Variants in CDK14 observed in about 807,000 individuals in gnomAD.
The protein encoded by CDK14 is cyclin-dependent kinase 14.
Under a neutral mutation model 60.7 loss-of-function variants are expected in CDK14, and 34 were observed. The observed-to-expected ratio is 0.56, with a 90% CI of 0.43 to 0.75. CDK14 has a LOEUF of 0.75. Among genes scored for constraint, CDK14 ranks in the 30% least tolerant of loss-of-function variants. The probability of loss-of-function intolerance (pLI) is 0.00; values close to 1 mark genes in which losing one functional copy is unlikely to be tolerated. For missense variants in CDK14, 482 were observed against 564.1 expected, an observed-to-expected ratio of 0.85 and a Z score of 1.47; for synonymous variants, 197 against 203.7, an observed-to-expected ratio of 0.97 and a Z score of 0.28.
intron 2 of CDK14, among the ~76,000 whole-genome samples, chr7:90,703,638 CAA>C (rs1801835729): frequency 6.6e-6 from 1 of 152,026 alleles, no homozygotes; most frequent in Non-Finnish European, 1.5e-5. Context: ...GAGATGCAGA[CAA>C]ATTATTATCC....
chr7:90,739,893 T>A (rs1302272636), intron 3 of CDK14, among the ~76,000 whole-genome samples: 1 of 152,152 alleles, frequency 6.6e-6, no homozygotes, highest in Non-Finnish European at 1.5e-5. Flanking sequence ...GATGGTAAAG[T>A]GTGACATTCA....
chr7:91,090,508 G>T (rs1415783830), intron 12 of CDK14, among the ~76,000 whole-genome samples: 1 of 152,054 alleles, frequency 6.6e-6, no homozygotes, highest in Non-Finnish European at 1.5e-5. Flanking sequence ...ATAACCACAT[G>T]TGGCTAGAGA....
chr7:91,014,001 T>G (rs1441503576), intron 10 of CDK14, among the ~76,000 whole-genome samples: 1 of 152,034 alleles, frequency 6.6e-6, no homozygotes, highest in Non-Finnish European at 1.5e-5. Flanking sequence ...CATAAACTCT[T>G]CTGGTATTTA....
intron 14 of CDK14, among the ~76,000 whole-genome samples, chr7:91,122,779 C>T (rs1397749644): frequency 6.6e-6 from 1 of 152,180 alleles, no homozygotes; most frequent in Non-Finnish European, 1.5e-5. Flanking sequence ...TTCAAACCCT[C>T]CCAGAGAGTG....
At chr7:90,937,303 C>G (rs1157875749) in intron 8 of CDK14, among the ~76,000 whole-genome samples, 1 of 152,072 alleles carries the variant, frequency 6.6e-6, no homozygotes, top group Non-Finnish European at 1.5e-5. Flanking sequence ...TATTATCCAA[C>G]TATAAAAATG....
rs1449353565 is a variant in CDK14, at chr7:91,208,855, A to G, written c.*1719A>G. The G allele has an allele frequency of 6.6e-6, 1 of 152,640 alleles. No individual in the cohort carries two copies. The highest frequency in any genetic ancestry group is 1.5e-5 in the Non-Finnish European group (1 of 68,040). 9.5% of individuals were successfully genotyped at this position (152,640 alleles called of 1,614,324 possible). A position where few individuals can be genotyped will look rare whatever the true frequency, so the allele number is the denominator to read the frequency against. ...GTAAACTTTTAAGTGCTAAGCAAGG[A>G]ATTATTTACTGATTGGTTTTAAAGA... On this transcript the variant is annotated 3_prime_UTR_variant, in exon 15 of 15. Transcript: ENST00000380050.
At chr7:91,106,041 C>T (rs1799287417) in intron 12 of CDK14, among the ~76,000 whole-genome samples, 1 of 152,046 alleles carries the variant, frequency 6.6e-6, no homozygotes, top group South Asian at 2.1e-4. Flanking sequence ...TTAATGAGAT[C>T]GCATTGCATC....
At chr7:90,672,600 G>GCCTCAAACT (rs1370556227) in intron 2 of CDK14, among the ~76,000 whole-genome samples, 1 of 131,776 alleles carries the variant, frequency 7.6e-6, no homozygotes, top group African/African-American at 2.8e-5. Context: ...GCTCACTGCA[G>GCCTCAAACT]CCTCAAACTC....
chr7:90,726,812 G>A lies in CDK14; in HGVS notation c.369G>A (p.Ser123=), dbSNP rs55722725. Residue 123 remains serine, a splice_region_variant and synonymous_variant, in exon 3 of 15, where the codon TCG becomes TCA. Coordinates refer to ENST00000380050, the MANE Select transcript of CDK14 (RefSeq NM_001287135.2). ...TTAGGCGGCACTCCAGCCCCAGCTC[G>A]GTAAGTGCAGTCTTTTTGTTTATCA... ...PKVRRHSSPS[S]PTSPKFGKAD... 3.7e-6 allele frequency: 6 copies of A among 1,613,122 alleles called. No homozygotes were observed. The African/African-American group carries it at 6.7e-5, about 18-fold the overall frequency.
At chr7:91,034,923 TACACACACACACACATACACATACAC>T (rs1202284147) in intron 10 of CDK14, among the ~76,000 whole-genome samples, 1 of 136,154 alleles carries the variant, frequency 7.3e-6, no homozygotes, top group Non-Finnish European at 1.6e-5. Flanking sequence ...CACACCTGTG[TACACACACACACACATACACATACAC>T]ACACACACAC....
intron 8 of CDK14, among the ~76,000 whole-genome samples, chr7:90,952,945 T>C (rs1423344191): frequency 1.3e-5 from 2 of 152,186 alleles, no homozygotes; most frequent in African/African-American, 4.8e-5. Context: ...AAATATTTGT[T>C]AAAAATGTAG....
intron 10 of CDK14, among the ~76,000 whole-genome samples, chr7:91,005,845 G>A (rs1354868784): frequency 6.6e-6 from 1 of 152,362 alleles, no homozygotes; most frequent in African/African-American, 2.4e-5. Context: ...AGCTGGAGGA[G>A]ACCGTTCCTT....
At chr7:91,041,862 A>G (rs1797100564) in intron 10 of CDK14, among the ~76,000 whole-genome samples, 1 of 152,204 alleles carries the variant, frequency 6.6e-6, no homozygotes, top group Admixed American at 6.5e-5. Flanking sequence ...CCATTCATTC[A>G]TTCAGTCAGT....
chr7:90,861,723 C>T (rs1269647889), intron 5 of CDK14, among the ~76,000 whole-genome samples: 2 of 152,092 alleles, frequency 1.3e-5, no homozygotes, highest in Admixed American at 6.6e-5. Context: ...CTTCTTCTTT[C>T]GTCTCCCAGT....
At chr7:91,017,384 C>A (rs1796327498) in intron 10 of CDK14, among the ~76,000 whole-genome samples, 1 of 152,156 alleles carries the variant, frequency 6.6e-6, no homozygotes, top group South Asian at 2.1e-4. Context: ...TGGGCCTATG[C>A]TAACAGACTC....
intron 2 of CDK14, among the ~76,000 whole-genome samples, chr7:90,627,034 C>G (rs1184734074): frequency 6.6e-6 from 1 of 151,988 alleles, no homozygotes; most frequent in Non-Finnish European, 1.5e-5. Context: ...TTTTATTATA[C>G]TTGAAAAACC....
At chr7:91,173,241 A>G (rs115780801) in intron 14 of CDK14, among the ~76,000 whole-genome samples, 1,999 of 152,284 alleles carry the variant, frequency 0.013, 30 homozygotes, top group South Asian at 0.028. Context: ...GGATGCATCA[A>G]CTAAGTTGGG....
chr7:90,999,520 C>T (rs987327752), intron 10 of CDK14, among the ~76,000 whole-genome samples: 8 of 151,852 alleles, frequency 5.3e-5, no homozygotes, highest in African/African-American at 7.2e-5. Flanking sequence ...ACCTGGGAGG[C>T]GGAGGTTGCA....
At chr7:90,742,976 T>G (rs1432594231) in intron 3 of CDK14, among the ~76,000 whole-genome samples, 2 of 152,122 alleles carry the variant, frequency 1.3e-5, no homozygotes, top group Non-Finnish European at 2.9e-5. Flanking sequence ...GTCTAAACAT[T>G]AAACTCACTT....
Sources: allele counts gnomAD v4.1 joint callset (sites outside exome capture counted in the v4.1 genomes callset), GRCh38; gene constraint gnomAD v4.1.1; transcripts MANE v1.5; gene names NCBI Gene and HGNC (gene_info 2026-07-23, HGNC 2026-07-21).